Variants in LARGE1 observed in about 807,000 individuals in gnomAD.
The protein encoded by LARGE1 is xylosyl- and glucuronyltransferase LARGE1.
LARGE1 carries 43 observed loss-of-function variants against 87.6 expected under a neutral mutation model. That is an observed-to-expected ratio of 0.49 (90% CI 0.38 to 0.63). The LOEUF (loss-of-function observed/expected upper bound fraction) is 0.63. Among genes scored for constraint, LARGE1 ranks in the 30% least tolerant of loss-of-function variants. The probability of loss-of-function intolerance (pLI) is 0.00; values close to 1 mark genes in which losing one functional copy is unlikely to be tolerated. For missense variants in LARGE1, 802 were observed against 1,000.2 expected (o/e 0.80, Z 2.67); for synonymous variants, 434 against 394.6 (o/e 1.10, Z -1.18).
At chr22:33,257,113 G>A (rs1212680641) in intron 11 of LARGE1, among the ~76,000 whole-genome samples, 2 of 152,198 alleles carry the variant, frequency 1.3e-5, no homozygotes. Context: ...GCTGAGGCAG[G>A]AGAATCGATT....
At chr22:33,368,775 A>G (rs112183863) in intron 9 of LARGE1, among the ~76,000 whole-genome samples, 1,778 of 152,300 alleles carry the variant, frequency 0.012, 22 homozygotes, top group African/African-American at 0.035. Context: ...GTTTTCCGAT[A>G]CATATAAAAA....
the LARGE1 span, among the ~76,000 whole-genome samples, chr22:33,129,374 A>C: frequency 6.6e-6 from 1 of 152,188 alleles, no homozygotes; most frequent in Non-Finnish European, 1.5e-5. Flanking sequence ...TACTCAAAAA[A>C]AGAAACAAAA....
intron 3 of LARGE1, among the ~76,000 whole-genome samples, chr22:33,640,443 G>A (rs2080393200): frequency 1.3e-5 from 2 of 152,122 alleles, no homozygotes; most frequent in African/African-American, 4.8e-5. Context: ...AAGAGAAGAA[G>A]AACAAAACCT....
chr22:33,711,943 G>A (rs1388620500), intron 2 of LARGE1, among the ~76,000 whole-genome samples: 1 of 152,188 alleles, frequency 6.6e-6, no homozygotes, highest in African/African-American at 2.4e-5. Context: ...CTGTAGGCGT[G>A]AGCCACCGTG....
intron 1 of LARGE1, among the ~76,000 whole-genome samples, chr22:33,906,218 G>A (rs2065450295): frequency 6.6e-6 from 1 of 152,126 alleles, no homozygotes; most frequent in African/African-American, 2.4e-5. Context: ...GAGAACCGTG[G>A]ACCAGACAGG....
intron 10 of LARGE1, among the ~76,000 whole-genome samples, chr22:33,328,600 AT>A (rs1340260769): frequency 2.0e-5 from 3 of 150,498 alleles, no homozygotes; most frequent in African/African-American, 7.3e-5. Context: ...AATAATAATA[AT>A]AATAATAAAA....
chr22:33,540,284 G>A (rs901045631), intron 6 of LARGE1, among the ~76,000 whole-genome samples: 2 of 152,174 alleles, frequency 1.3e-5, no homozygotes, highest in Admixed American at 6.5e-5. Flanking sequence ...CCAAGAGGCC[G>A]GGCCTTGCCA....
intron 11 of LARGE1, among the ~76,000 whole-genome samples, chr22:33,309,260 A>G (rs963271006): frequency 2.6e-5 from 4 of 151,314 alleles, no homozygotes; most frequent in African/African-American, 4.9e-5. Context: ...TCCACCTCCC[A>G]GGTTCAAGCG....
At chr22:33,743,275 AAT>A (rs1418481640) in intron 2 of LARGE1, 3 of 152,192 alleles carry the variant, frequency 2.0e-5, no homozygotes, top group Non-Finnish European at 4.4e-5. Flanking sequence ...AGAATGGCTT[AAT>A]ATACCCAGGT....
chr22:33,342,867 C>G (rs927971788), intron 9 of LARGE1, among the ~76,000 whole-genome samples: 3 of 152,192 alleles, frequency 2.0e-5, no homozygotes, highest in Non-Finnish European at 4.4e-5. Flanking sequence ...TCCCTCTGAT[C>G]GGCAAGCCCA....
intron 6 of LARGE1, among the ~76,000 whole-genome samples, chr22:33,501,678 G>A (rs2070444005): frequency 6.6e-6 from 1 of 152,172 alleles, no homozygotes; most frequent in Non-Finnish European, 1.5e-5. Context: ...GCCAGGCCTG[G>A]CATCCAGATG....
intron 2 of LARGE1, among the ~76,000 whole-genome samples, chr22:33,712,272 G>T (rs1285007340): frequency 2.0e-5 from 3 of 152,160 alleles, no homozygotes. Flanking sequence ...TGGATTGCAG[G>T]CCTAACACTG....
intron 10 of LARGE1, among the ~76,000 whole-genome samples, chr22:33,336,787 C>A (rs111851578): frequency 2.6e-5 from 4 of 152,156 alleles, no homozygotes; most frequent in African/African-American, 9.6e-5. Flanking sequence ...TCTGGCCGGG[C>A]GCGGTGGCTC....
intron 1 of LARGE1, among the ~76,000 whole-genome samples, chr22:33,789,161 C>T (rs1410149074): frequency 6.6e-6 from 1 of 152,214 alleles, no homozygotes; most frequent in Admixed American, 6.5e-5. Flanking sequence ...TTTCTGCTGT[C>T]TCAGGACTTG....
At chr22:33,080,661 T>A in the LARGE1 span, among the ~76,000 whole-genome samples, 1 of 152,158 alleles carries the variant, frequency 6.6e-6, no homozygotes, top group Non-Finnish European at 1.5e-5. Context: ...TCATATATAA[T>A]TATTAGCAGC....
intron 6 of LARGE1, among the ~76,000 whole-genome samples, chr22:33,500,376 C>T (rs17803975): frequency 0.047 from 7,100 of 152,202 alleles, 223 homozygotes; most frequent in South Asian, 0.066. Context: ...TCTCAATCTT[C>T]GAAAACTCCT....
At chr22:33,454,035 T>C (rs1011860673) in intron 6 of LARGE1, among the ~76,000 whole-genome samples, 31 of 152,198 alleles carry the variant, frequency 2.0e-4, no homozygotes, top group Non-Finnish European at 5.9e-5. Flanking sequence ...AATACCACTT[T>C]CCAATTCCTT....
intron 6 of LARGE1, among the ~76,000 whole-genome samples, chr22:33,548,371 G>A (rs748307924): frequency 6.6e-6 from 1 of 152,024 alleles, no homozygotes; most frequent in Admixed American, 6.6e-5. Context: ...AGAACTGTGA[G>A]CCAATTAAAT....
chr22:33,108,123 G>T, the LARGE1 span, among the ~76,000 whole-genome samples: 1 of 152,014 alleles, frequency 6.6e-6, no homozygotes, highest in Admixed American at 6.6e-5. Flanking sequence ...CATGTGTGCC[G>T]TTGTAACTAT....
Sources: gnomAD v4.1 joint callset for allele counts (sites outside exome capture counted in the v4.1 genomes callset) on GRCh38, gnomAD v4.1.1 for gene constraint, MANE v1.5 for transcripts, NCBI Gene and HGNC (gene_info 2026-07-23, HGNC 2026-07-21) for gene names.